GPHN: variants seen among roughly 807,000 people sequenced by gnomAD.
GPHN encodes gephyrin.
GPHN carries 17 observed loss-of-function variants against 95.5 expected under a neutral mutation model. The observed-to-expected ratio is 0.18, with a 90% CI of 0.12 to 0.27. The LOEUF (loss-of-function observed/expected upper bound fraction) is 0.27. Ranked by LOEUF, GPHN falls within the 10% of genes least tolerant of loss-of-function variation. The pLI is 1.00. For synonymous variants in GPHN, 320 were observed against 322.5 expected (o/e 0.99, Z 0.08); for missense variants, 660 against 978.1 (o/e 0.67, Z 4.34).
At position 66,868,968 on chromosome 14, in the gene GPHN, A is replaced by G. The variant is rs928430607; in HGVS notation, c.295-10971A>G. 4.6e-5 allele frequency among the ~76,000 whole-genome samples: 7 copies of G among 152,204 alleles called. No individual in the cohort carries two copies. In the East Asian group the frequency reaches 1.4e-3, roughly 29 times the overall value. ...ACTTTCATATTGGAAAAATATTTAGACGTCAAAGATAAATATTTTATTTAA... is the reference window on the plus strand; with the variant it reads ...ACTTTCATATTGGAAAAATATTTAGGCGTCAAAGATAAATATTTTATTTAA... On this transcript the variant is annotated intron_variant, in intron 4 of 22. Coordinates refer to ENST00000478722, the MANE Select transcript of GPHN (RefSeq NM_020806.5).
intron 9 of GPHN, among the ~76,000 whole-genome samples, chr14:66,992,516 A>G (rs1235653887): frequency 6.6e-6 from 1 of 152,192 alleles, no homozygotes; most frequent in Non-Finnish European, 1.5e-5. Context: ...CTGAATGCCA[A>G]TATGGGATAG....
At chr14:67,435,430 A>C in the GPHN span, among the ~76,000 whole-genome samples, 1 of 152,180 alleles carries the variant, frequency 6.6e-6, no homozygotes, top group African/African-American at 2.4e-5. Flanking sequence ...TTGGGGATTA[A>C]GTTTCAACAT....
rs904102701 is a variant in GPHN, at chr14:67,086,955, G to A, written c.1145-2028G>A. On this transcript the variant is annotated intron_variant, in intron 11 of 22. Transcript: ENST00000478722. Reference sequence around the variant, plus strand: ...CGGGAGGCTGAGGCAGGAGAATGGCGTGAACCCAGAAGGCGGAGCTTGCAG... The same window carrying A: ...CGGGAGGCTGAGGCAGGAGAATGGCATGAACCCAGAAGGCGGAGCTTGCAG... Among the ~76,000 whole-genome samples the A allele has an allele frequency of 1.4e-4, 21 of 147,726 alleles. No homozygotes were observed. The South Asian group carries it at 3.6e-3, about 25-fold the overall frequency.
chr14:67,208,436 G>A, the GPHN span: 3 of 1,613,254 alleles, frequency 1.9e-6, no homozygotes, highest in Non-Finnish European at 8.5e-7. Flanking sequence ...AGCTCTCAAG[G>A]CTGAAGAATC....
chr14:67,669,620 T>C, the GPHN span, among the ~76,000 whole-genome samples: 503 of 152,302 alleles, frequency 3.3e-3, 2 homozygotes, highest in Non-Finnish European at 4.8e-3. Flanking sequence ...GGCTATATTA[T>C]GTCATGATCT....
intron 3 of GPHN, among the ~76,000 whole-genome samples, chr14:66,799,871 T>A (rs1343692372): frequency 1.3e-5 from 2 of 152,142 alleles, no homozygotes; most frequent in East Asian, 1.9e-4. Flanking sequence ...TCTGGTTGTT[T>A]TGTGGTCTTT....
intron 2 of GPHN, among the ~76,000 whole-genome samples, chr14:66,738,274 T>C (rs904721765): frequency 6.6e-6 from 1 of 152,216 alleles, no homozygotes; most frequent in African/African-American, 2.4e-5. Flanking sequence ...TGTTTCAGTT[T>C]AAAATGTTAA....
intron 1 of GPHN, among the ~76,000 whole-genome samples, chr14:66,637,488 A>G (rs1317624188): frequency 2.0e-5 from 3 of 152,170 alleles, no homozygotes; most frequent in African/African-American, 7.2e-5. Context: ...GAGACAACCT[A>G]TAGATAAGCT....
At chr14:67,724,529 T>A in the GPHN span, 1 of 1,613,866 alleles carries the variant, frequency 6.2e-7, no homozygotes, top group Non-Finnish European at 8.5e-7. Flanking sequence ...GGCAAGGTAG[T>A]GGTGATCACT....
the GPHN span, chr14:67,562,204 C>T: frequency 1.2e-6 from 2 of 1,611,350 alleles, no homozygotes; most frequent in African/African-American, 2.7e-5. Flanking sequence ...AGGATTCTGT[C>T]CCTTCAGAGC....
chr14:66,782,153 A>G (rs759781087), intron 3 of GPHN, among the ~76,000 whole-genome samples: 3 of 152,174 alleles, frequency 2.0e-5, no homozygotes, highest in Non-Finnish European at 4.4e-5. Flanking sequence ...TTCTTAATGA[A>G]AAAGTCCATT....
intron 2 of GPHN, among the ~76,000 whole-genome samples, chr14:66,716,139 A>G (rs2070161980): frequency 6.6e-6 from 1 of 152,112 alleles, no homozygotes; most frequent in East Asian, 1.9e-4. Context: ...TGTGTATTTC[A>G]TTTCTTAGGT....
At chr14:66,684,980 A>G (rs1042309061) in intron 2 of GPHN, among the ~76,000 whole-genome samples, 2 of 151,952 alleles carry the variant, frequency 1.3e-5, no homozygotes, top group East Asian at 3.9e-4. Context: ...ATTCCCACCT[A>G]TGAGTGAGAA....
chr14:67,330,133 GAAAT>G, the GPHN span, among the ~76,000 whole-genome samples: 1 of 142,760 alleles, frequency 7.0e-6, no homozygotes, highest in Non-Finnish European at 1.5e-5. Context: ...CTGGAACCAG[GAAAT>G]AAATAATAAT....
intron 10 of GPHN, among the ~76,000 whole-genome samples, chr14:67,052,128 G>A (rs1181254729): frequency 1.3e-5 from 2 of 152,112 alleles, no homozygotes; most frequent in Non-Finnish European, 2.9e-5. Context: ...AAATGTAAAT[G>A]AGCTAAATGC....
the GPHN span, chr14:67,559,635 A>C: frequency 6.2e-7 from 1 of 1,603,834 alleles, no homozygotes; most frequent in Non-Finnish European, 8.5e-7. Context: ...GGAAGCAAAA[A>C]CTGTTCAAGA....
intron 1 of GPHN, among the ~76,000 whole-genome samples, chr14:66,556,376 C>A (rs1157822043): frequency 6.6e-6 from 1 of 152,132 alleles, no homozygotes; most frequent in Non-Finnish European, 1.5e-5. Flanking sequence ...ATCCTTGAAA[C>A]TCTGTTGATC....
the GPHN span, among the ~76,000 whole-genome samples, chr14:67,404,660 A>G: frequency 1.1e-4 from 16 of 151,948 alleles, no homozygotes; most frequent in Admixed American, 1.0e-3. Context: ...TAATAAAAAA[A>G]TTAGTCAGGT....
chr14:67,017,895 T>C (rs1417691950), intron 9 of GPHN, among the ~76,000 whole-genome samples: 1 of 152,142 alleles, frequency 6.6e-6, no homozygotes, highest in Non-Finnish European at 1.5e-5. Context: ...GCTATGATCA[T>C]ACTTATACTA....
Sources: gnomAD v4.1 joint callset for allele counts (sites outside exome capture counted in the v4.1 genomes callset) on GRCh38, gnomAD v4.1.1 for gene constraint, MANE v1.5 for transcripts, NCBI Gene and HGNC (gene_info 2026-07-23, HGNC 2026-07-21) for gene names.